TANC2: variants seen among roughly 807,000 people sequenced by gnomAD.
TANC2 encodes the protein tetratricopeptide repeat, ankyrin repeat and coiled-coil containing 2, also known as protein TANC2.
Under a neutral mutation model 210.5 loss-of-function variants are expected in TANC2, and 26 were observed. That is an observed-to-expected ratio of 0.12 (90% CI 0.09 to 0.17). TANC2 has a LOEUF of 0.17. TANC2 is among the 10% of genes least tolerant of loss of function. The pLI, the probability that TANC2 is intolerant of heterozygous loss-of-function variation, is 1.00. For synonymous variants in TANC2, 931 were observed against 967.1 expected (o/e 0.96, Z 0.69); for missense variants, 2,129 against 2,608.9 (o/e 0.82, Z 4.01).
chr17:63,260,002 T>A (rs761095822), intron 8 of TANC2, among the ~76,000 whole-genome samples: 2 of 152,264 alleles, frequency 1.3e-5, no homozygotes, highest in Non-Finnish European at 2.9e-5. Context: ...CAGGGTACAT[T>A]ACTTTGCATT....
chr17:63,380,104 A>G (rs1001587648), intron 15 of TANC2, among the ~76,000 whole-genome samples: 26 of 152,208 alleles, frequency 1.7e-4, no homozygotes, highest in Non-Finnish European at 2.1e-4. Flanking sequence ...TACATGACCT[A>G]TCATCTCCTG....
chr17:62,972,684 A>T (rs2031770550), intron 1 of TANC2, among the ~76,000 whole-genome samples: 1 of 152,142 alleles, frequency 6.6e-6, no homozygotes, highest in Non-Finnish European at 1.5e-5. Context: ...ATAAAGTGGA[A>T]ACTCCTTAGC....
At chr17:63,020,143 G>A (rs1053223083) in intron 2 of TANC2, among the ~76,000 whole-genome samples, 1 of 152,092 alleles carries the variant, frequency 6.6e-6, no homozygotes, top group African/African-American at 2.4e-5. Flanking sequence ...GACCAGGCTC[G>A]TCTTGAACTC....
intron 27 of TANC2, 69 bp from the exon 28 acceptor site, chr17:63,419,930 T>C: frequency 6.8e-7 from 1 of 1,461,774 alleles, no homozygotes; most frequent in Non-Finnish European, 9.1e-7. Context: ...GTGACCATGT[T>C]CTCAGCTCTT....
rs1193276662 is a variant in TANC2 at position 63,365,338 on chromosome 17, G to A, written c.2582+9948G>A. Among the ~76,000 whole-genome samples the A allele has an allele frequency of 2.0e-5, 3 of 152,106 alleles. No individual in the cohort carries two copies. The East Asian group carries it at 5.8e-4, about 29-fold the overall frequency. ...CTGTAGCCGTCCACATATCCAGTTG[G>A]TTCTACCACCCAAATTTTACTTGCA... is the stretch of plus-strand genomic sequence containing the variant. On this transcript the variant is annotated intron_variant, in intron 14 of 27. Coordinates refer to ENST00000689528, the Ensembl canonical transcript of TANC2.
intron 2 of TANC2, among the ~76,000 whole-genome samples, chr17:63,052,969 C>CA (rs2035635178): frequency 6.6e-6 from 1 of 152,124 alleles, no homozygotes; most frequent in South Asian, 2.1e-4. Context: ...TCCGGCTGTG[C>CA]AAAAATAGGT....
At chr17:63,001,012 A>C (rs1011878724) in intron 1 of TANC2, among the ~76,000 whole-genome samples, 17 of 150,258 alleles carry the variant, frequency 1.1e-4, no homozygotes, top group African/African-American at 4.1e-4. Context: ...AGAAGTAGCC[A>C]TCACTATAAT....
At chr17:63,366,323 C>G (rs2047109219) in intron 14 of TANC2, among the ~76,000 whole-genome samples, 1 of 152,134 alleles carries the variant, frequency 6.6e-6, no homozygotes, top group South Asian at 2.1e-4. Context: ...ATCTGTCTAC[C>G]AAGACTTACA....
intron 9 of TANC2, among the ~76,000 whole-genome samples, chr17:63,307,890 C>G (rs1022377199): frequency 6.6e-6 from 1 of 152,082 alleles, no homozygotes; most frequent in Non-Finnish European, 1.5e-5. Flanking sequence ...CTCAGCCTCC[C>G]GAATAGCTGG....
At chr17:63,300,586 A>G (rs1030641537) in intron 9 of TANC2, among the ~76,000 whole-genome samples, 4 of 151,904 alleles carry the variant, frequency 2.6e-5, no homozygotes, top group Non-Finnish European at 5.9e-5. Context: ...TGCTTGTCTA[A>G]TGTTGGCGTA....
chr17:63,421,469 T>C lies in TANC2; in HGVS notation c.5739T>C (p.Thr1913=). Residue 1913 remains threonine, a synonymous_variant, in exon 28 of 28, where the codon ACT becomes ACC. Coordinates refer to ENST00000689528, the Ensembl canonical transcript of TANC2. This position sits in a 1 kb window ranked among gnomAD's most constrained non-coding sequence, Gnocchi z 6.9. ...ACGAGCTGTCGCCAGTGTCTCCAAC[T>C]CAAGGAGGTTACCCCAGTGAGCCCA... 1 of 1,613,940 alleles carries C rather than the reference T, an allele frequency of 6.2e-7. No individual in the cohort carries two copies. Among genetic ancestry groups the C allele is most frequent in the South Asian group, 1.1e-5 (1 of 91,080 alleles).
chr17:63,073,189 A>G (rs1448691775), intron 2 of TANC2, among the ~76,000 whole-genome samples: 1 of 152,050 alleles, frequency 6.6e-6, no homozygotes, highest in Admixed American at 6.6e-5. Flanking sequence ...TTCATATTTT[A>G]TATTATACTT....
intron 1 of TANC2, among the ~76,000 whole-genome samples, chr17:62,999,511 G>A (rs557337670): frequency 2.6e-5 from 4 of 151,826 alleles, no homozygotes; most frequent in Middle Eastern, 6.8e-3. Context: ...TATTTTAAAC[G>A]TATGTGCACC....
chr17:63,241,879 A>G (rs1354661562), intron 8 of TANC2, among the ~76,000 whole-genome samples: 1 of 152,216 alleles, frequency 6.6e-6, no homozygotes, highest in Non-Finnish European at 1.5e-5. Context: ...CAAGATAGCA[A>G]AGACACTAAA....
chr17:63,290,101 A>T (rs139003306), intron 9 of TANC2, among the ~76,000 whole-genome samples: 1 of 152,244 alleles, frequency 6.6e-6, no homozygotes, highest in Non-Finnish European at 1.5e-5. Context: ...TGTTAAGAGC[A>T]TTGTGCTTTG....
At chr17:63,250,621 A>G (rs891817963) in intron 8 of TANC2, among the ~76,000 whole-genome samples, 2 of 152,182 alleles carry the variant, frequency 1.3e-5, no homozygotes, top group African/African-American at 2.4e-5. Context: ...TGTTAAATGT[A>G]GCTGAAACAT....
At chr17:63,273,192 G>A (rs903576298) in intron 9 of TANC2, among the ~76,000 whole-genome samples, 1 of 152,030 alleles carries the variant, frequency 6.6e-6, no homozygotes, top group African/African-American at 2.4e-5. Context: ...AGGCAGAGGT[G>A]GGAGGATCAC....
intron 7 of TANC2, among the ~76,000 whole-genome samples, chr17:63,215,331 A>G (rs991539960): frequency 1.3e-5 from 2 of 152,170 alleles, no homozygotes; most frequent in African/African-American, 2.4e-5. Flanking sequence ...GAACAATGTG[A>G]TAATAAAAAA....
chr17:63,216,375 T>C (rs1321891827), intron 7 of TANC2, among the ~76,000 whole-genome samples: 1 of 152,134 alleles, frequency 6.6e-6, no homozygotes, highest in Non-Finnish European at 1.5e-5. Flanking sequence ...ATACCTGCCC[T>C]CTGCCCCTCT....
Sources: gnomAD v4.1 joint callset for allele counts (sites outside exome capture counted in the v4.1 genomes callset) on GRCh38, gnomAD v4.1.1 for gene constraint, Gnocchi (gnomAD v3.1) non-coding constraint, MANE v1.5 for transcripts, NCBI Gene and HGNC (gene_info 2026-07-23, HGNC 2026-07-21) for gene names.